TMEM38B: variants seen among roughly 807,000 people sequenced by gnomAD.
TMEM38B encodes transmembrane protein 38B.
A neutral mutation model predicts 28.7 loss-of-function variants in TMEM38B; 24 were observed. The ratio of observed to expected loss-of-function variants is 0.84; its 90% CI spans 0.61 to 1.18. TMEM38B has a LOEUF of 1.18. TMEM38B is among the 50% of genes most tolerant of loss of function. TMEM38B has a pLI of 0.00. For missense variants in TMEM38B, 380 were observed against 350.9 expected, an observed-to-expected ratio of 1.08 and a Z score of -0.66; for synonymous variants, 131 against 127.7, an observed-to-expected ratio of 1.03 and a Z score of -0.17.
chr9:105,768,296 C>T (rs1036290432), intron 5 of TMEM38B, among the ~76,000 whole-genome samples: 2 of 152,050 alleles, frequency 1.3e-5, no homozygotes, highest in South Asian at 2.1e-4. Context: ...AGTCATGATG[C>T]GGTATCCTTT....
At chr9:105,696,804 T>G (rs1166068931) in intron 1 of TMEM38B, among the ~76,000 whole-genome samples, 1 of 152,152 alleles carries the variant, frequency 6.6e-6, no homozygotes, top group Non-Finnish European at 1.5e-5. Context: ...TGAAATAGCG[T>G]CAAGGTTGTT....
intron 4 of TMEM38B, among the ~76,000 whole-genome samples, chr9:105,746,871 A>G (rs1392298900): frequency 6.6e-6 from 1 of 152,154 alleles, no homozygotes; most frequent in African/African-American, 2.4e-5. Flanking sequence ...TATATGCTGG[A>G]TTATGCTTAT....
chr9:105,739,552 G>C (rs1444525293), intron 4 of TMEM38B, among the ~76,000 whole-genome samples: 1 of 152,176 alleles, frequency 6.6e-6, no homozygotes, highest in Admixed American at 6.5e-5. Flanking sequence ...TTTAGACAGA[G>C]TGTCACTCTG....
At chr9:105,745,267 A>G (rs925639545) in intron 4 of TMEM38B, among the ~76,000 whole-genome samples, 5 of 152,126 alleles carry the variant, frequency 3.3e-5, no homozygotes, top group Admixed American at 6.5e-5. Flanking sequence ...TGACTTTTTA[A>G]TGATCACCAT....
chr9:105,734,967 T>C (rs1310425327), intron 4 of TMEM38B, among the ~76,000 whole-genome samples: 1 of 152,034 alleles, frequency 6.6e-6, no homozygotes, highest in African/African-American at 2.4e-5. Context: ...GCCATTTTGT[T>C]AATTGTTTTC....
chr9:105,707,171 C>G (rs777899251), intron 2 of TMEM38B, among the ~76,000 whole-genome samples: 4 of 152,138 alleles, frequency 2.6e-5, no homozygotes, highest in Non-Finnish European at 4.4e-5. Context: ...CTGATACACG[C>G]AGATATACAA....
At chr9:105,766,118 A>G (rs1826363613) in intron 5 of TMEM38B, among the ~76,000 whole-genome samples, 1 of 152,128 alleles carries the variant, frequency 6.6e-6, no homozygotes. Context: ...TTTTCGTTTC[A>G]CTTAATAACT....
At chr9:105,749,535 T>A (rs1310804632) in intron 5 of TMEM38B, among the ~76,000 whole-genome samples, 1 of 152,148 alleles carries the variant, frequency 6.6e-6, no homozygotes, top group African/African-American at 2.4e-5. Context: ...GATTTGAGAG[T>A]GGAGATATGA....
intron 4 of TMEM38B, among the ~76,000 whole-genome samples, chr9:105,728,977 T>A (rs1219945075): frequency 6.6e-6 from 1 of 152,248 alleles, no homozygotes; most frequent in African/African-American, 2.4e-5. Flanking sequence ...ATTCTGGATA[T>A]TAGCACTTTG....
chr9:105,698,356 T>G (rs570787179), intron 1 of TMEM38B, among the ~76,000 whole-genome samples: 50 of 152,248 alleles, frequency 3.3e-4, no homozygotes, highest in Non-Finnish European at 6.0e-4. Flanking sequence ...TTGCTATAGG[T>G]TTTTATGAGG....
At chr9:105,758,614 T>G (rs79263876) in intron 5 of TMEM38B, 1 of 865,220 alleles carries the variant, frequency 1.2e-6, no homozygotes, top group African/African-American at 1.7e-5. Flanking sequence ...TCAGAAAATG[T>G]TGATGGTACT....
chr9:105,748,296 T>G (rs1401000755), intron 5 of TMEM38B, 106 bp downstream of exon 5: 1 of 786,674 alleles, frequency 1.3e-6, no homozygotes, highest in Non-Finnish European at 2.1e-6. Context: ...TTTATTATTA[T>G]TATCTAAGAG....
rs1395071447 is a variant in TMEM38B at position 105,705,723 on chromosome 9, A to G, written c.239A>G (p.His80Arg). ...AEPPLKFLAN[H>R]TNILLASSIW... ...CCTCCATTGAAGTTTCTTGCAAACCACACTAACATATTACTGGCATCTTCA... is the reference window on the plus strand; with the variant it reads ...CCTCCATTGAAGTTTCTTGCAAACCGCACTAACATATTACTGGCATCTTCA... The change falls in exon 2 of 6, where the codon CAC (histidine) becomes CGC (arginine). Residue 80 changes from histidine to arginine, a missense_variant. Coordinates refer to ENST00000374692, the MANE Select transcript of TMEM38B (RefSeq NM_018112.3). The G allele has an allele frequency of 1.2e-6, 2 of 1,613,736 alleles. No homozygotes were observed. Among genetic ancestry groups the G allele is most frequent in the Admixed American group, 1.7e-5 (1 of 60,008 alleles).
intron 5 of TMEM38B, chr9:105,749,001 A>T: frequency 5.1e-6 from 6 of 1,169,922 alleles, no homozygotes; most frequent in Non-Finnish European, 6.7e-6. Flanking sequence ...TTTTAAAAGG[A>T]AAACAGGATA....
chr9:105,703,104 C>G (rs1372239718), intron 1 of TMEM38B, among the ~76,000 whole-genome samples: 2 of 152,150 alleles, frequency 1.3e-5, no homozygotes, highest in East Asian at 1.9e-4. Context: ...GAAAATAATT[C>G]TATTGATAGC....
intron 4 of TMEM38B, among the ~76,000 whole-genome samples, chr9:105,742,815 A>C (rs751018916): frequency 6.6e-6 from 1 of 152,208 alleles, no homozygotes; most frequent in Non-Finnish European, 1.5e-5. Context: ...AAACAGATAT[A>C]ATTCCATGTT....
intron 2 of TMEM38B, among the ~76,000 whole-genome samples, chr9:105,720,371 G>T (rs1021345537): frequency 6.6e-6 from 1 of 152,014 alleles, no homozygotes; most frequent in Non-Finnish European, 1.5e-5. Flanking sequence ...AATGTATAAA[G>T]AGCTATTTTT....
rs1383631510 is a variant in TMEM38B at position 105,774,717 on chromosome 9, T to A, written c.*637T>A. The A allele has an allele frequency of 6.6e-6, 1 of 152,050 alleles. No homozygotes were observed. The highest frequency in any genetic ancestry group is 1.5e-5 in the Non-Finnish European group (1 of 67,946). The allele number at this position is 152,050 out of a possible 1,614,324, so 9.4% of individuals were successfully genotyped here. On this transcript the variant is annotated 3_prime_UTR_variant, in exon 6 of 6. Transcript: ENST00000374692. The stretch of plus-strand genomic sequence containing the variant: ...TTCTACTAGAAGTAGTTTTACTACT[T>A]TTCATTTAGAACAGAGTATGAGTCT...
At chr9:105,721,827 C>G (rs1836332125) in intron 3 of TMEM38B, 106 bp downstream of exon 3, 2 of 877,364 alleles carry the variant, frequency 2.3e-6, no homozygotes, top group Admixed American at 6.9e-5. Flanking sequence ...ACTTTAATAA[C>G]AGAGACTTTT....
Sources: allele counts gnomAD v4.1 joint callset (sites outside exome capture counted in the v4.1 genomes callset), GRCh38; gene constraint gnomAD v4.1.1; transcripts MANE v1.5; gene names NCBI Gene and HGNC (gene_info 2026-07-23, HGNC 2026-07-21).